The following FUT9 variants were observed in gnomAD, a reference collection of about 807,000 sequenced individuals.
FUT9 encodes the protein 4-galactosyl-N-acetylglucosaminide 3-alpha-L-fucosyltransferase 9.
FUT9 carries 15 observed loss-of-function variants against 29.7 expected under a neutral mutation model. The observed-to-expected ratio is 0.51, with a 90% confidence interval of 0.34 to 0.78. The LOEUF is 0.78. FUT9 is among the 30% of genes least tolerant of loss of function. FUT9 has a pLI of 0.01. For missense variants in FUT9, 319 were observed against 425.4 expected, an observed-to-expected ratio of 0.75 and a Z score of 2.20; for synonymous variants, 169 against 153.7, an observed-to-expected ratio of 1.10 and a Z score of -0.74.
intron 1 of FUT9, among the ~76,000 whole-genome samples, chr6:96,031,010 G>A (rs185868751): frequency 3.6e-4 from 55 of 151,626 alleles, no homozygotes; most frequent in African/African-American, 1.3e-3. Flanking sequence ...GATATACACT[G>A]GTGGTTTGTA....
At chr6:96,195,787 C>T (rs1020134572) in intron 2 of FUT9, among the ~76,000 whole-genome samples, 5 of 151,962 alleles carry the variant, frequency 3.3e-5, no homozygotes, top group Admixed American at 6.6e-5. Flanking sequence ...AAAAGATAAG[C>T]CACCCAATTT....
At chr6:96,068,178 T>C (rs1770994905) in intron 1 of FUT9, among the ~76,000 whole-genome samples, 1 of 152,126 alleles carries the variant, frequency 6.6e-6, no homozygotes, top group African/African-American at 2.4e-5. Flanking sequence ...GGACAGCTAG[T>C]GTATATATTT....
intron 2 of FUT9, among the ~76,000 whole-genome samples, chr6:96,141,247 A>C (rs1007184598): frequency 7.2e-5 from 11 of 152,220 alleles, no homozygotes; most frequent in African/African-American, 2.7e-4. Flanking sequence ...AAATCTAGAC[A>C]GAATATATAG....
In FUT9 at chr6:96,209,882, C is replaced by G. The variant is rs895305323; in HGVS notation, c.*5647C>G. ...TTAGAATTTCTTCAAATAATCCATG[C>G]CCCCCCGTCACCCAAAAAAAGAGCA... On this transcript the variant is annotated 3_prime_UTR_variant, in exon 3 of 3. Coordinates refer to ENST00000302103, the MANE Select transcript of FUT9 (RefSeq NM_006581.4). The G allele has an allele frequency of 6.0e-6, 1 of 165,976 alleles. No individual in the cohort carries two copies. Among genetic ancestry groups the G allele is most frequent in the South Asian group, 2.1e-4 (1 of 4,794 alleles). The allele number at this position is 165,976 out of a possible 1,614,324, so 10.3% of individuals were successfully genotyped here.
At chr6:96,174,752 T>C (rs6924654) in intron 2 of FUT9, among the ~76,000 whole-genome samples, 2,283 of 152,206 alleles carry the variant, frequency 0.015, 62 homozygotes, top group African/African-American at 0.051. Flanking sequence ...TTGAAGAAGA[T>C]GGAAATAAAT....
intron 1 of FUT9, among the ~76,000 whole-genome samples, chr6:96,048,673 C>T (rs377587542): frequency 3.9e-5 from 6 of 152,114 alleles, no homozygotes; most frequent in Admixed American, 6.6e-5. Context: ...TCTCATGGAA[C>T]GGAAGCGAAG....
chr6:96,069,614 T>A (rs1378266026), intron 1 of FUT9, among the ~76,000 whole-genome samples: 1 of 99,244 alleles, frequency 1.0e-5, no homozygotes, highest in Non-Finnish European at 2.2e-5. Flanking sequence ...AACTATTATT[T>A]TTTTATTTTT....
chr6:96,080,257 T>C (rs1421724716), intron 1 of FUT9, among the ~76,000 whole-genome samples: 1 of 151,974 alleles, frequency 6.6e-6, no homozygotes, highest in Non-Finnish European at 1.5e-5. Context: ...TAATAATTTT[T>C]TCAATGGTTA....
chr6:96,192,002 G>A lies in FUT9; in HGVS notation c.-8-11146G>A, dbSNP rs572629509. Among the ~76,000 whole-genome samples the A allele has an allele frequency of 2.5e-3, 381 of 152,128 alleles. 2 individuals are homozygous for A. The highest frequency in any genetic ancestry group is 3.9e-3 in the Non-Finnish European group (262 of 67,980). ...AAAAGGCCTTTGACAAAATTCAACAGCCCTTCATGCAAAAAACTCTCAATA... is the reference window on the plus strand; with the variant it reads ...AAAAGGCCTTTGACAAAATTCAACAACCCTTCATGCAAAAAACTCTCAATA... On this transcript the variant is annotated intron_variant, in intron 2 of 2. Transcript: ENST00000302103.
At chr6:96,131,288 A>G (rs1331120652) in intron 2 of FUT9, among the ~76,000 whole-genome samples, 2 of 152,112 alleles carry the variant, frequency 1.3e-5, no homozygotes, top group Non-Finnish European at 2.9e-5. Context: ...ACTATCTAGC[A>G]TTGTACAAAT....
intron 1 of FUT9, among the ~76,000 whole-genome samples, chr6:96,030,238 T>C (rs1770238449): frequency 6.6e-6 from 1 of 151,640 alleles, no homozygotes; most frequent in Non-Finnish European, 1.5e-5. Flanking sequence ...ATGCAGGATA[T>C]ATAAAGAATT....
At chr6:96,019,410 C>A (rs1350473606) in intron 1 of FUT9, among the ~76,000 whole-genome samples, 1 of 151,620 alleles carries the variant, frequency 6.6e-6, no homozygotes, top group Non-Finnish European at 1.5e-5. Flanking sequence ...TTTATAAATT[C>A]ATGTCTCTAT....
chr6:96,118,214 A>C (rs1266365074), intron 2 of FUT9, among the ~76,000 whole-genome samples: 1 of 152,048 alleles, frequency 6.6e-6, no homozygotes, highest in South Asian at 2.1e-4. Flanking sequence ...CAAAAAAAAA[A>C]AAAAAAAAAG....
rs1031189490 is a variant in FUT9, at chr6:96,062,892, A to G, written c.-98+46680A>G. Among the ~76,000 whole-genome samples, 14 of 152,304 alleles carry G rather than the reference A, an allele frequency of 9.2e-5. 1 individual carries two copies. Among genetic ancestry groups the G allele is most frequent in the Admixed American group, 5.2e-4 (8 of 15,300 alleles). On this transcript the variant is annotated intron_variant, in intron 1 of 2. Transcript: ENST00000302103. The stretch of plus-strand genomic sequence containing the variant: ...ACAAAAAAGTGCCTTCAGTTAAATG[A>G]TCTCTTTTAATACTGGAGAGAAAAA...
chr6:96,112,399 T>A (rs1771826483), intron 1 of FUT9, among the ~76,000 whole-genome samples: 2 of 152,238 alleles, frequency 1.3e-5, no homozygotes. Context: ...ATATTTGACT[T>A]TTTAAAGACA....
chr6:96,172,363 G>A (rs541381822), intron 2 of FUT9, among the ~76,000 whole-genome samples: 2 of 152,236 alleles, frequency 1.3e-5, no homozygotes, highest in African/African-American at 2.4e-5. Flanking sequence ...TGGAAACATT[G>A]ACATTTACAA....
chr6:96,022,508 T>C (rs760957645), intron 1 of FUT9, among the ~76,000 whole-genome samples: 1 of 152,106 alleles, frequency 6.6e-6, no homozygotes, highest in East Asian at 1.9e-4. Flanking sequence ...GTAGTTTTTT[T>C]GCTTTTGTTA....
chr6:96,097,978 C>T (rs1771528589), intron 1 of FUT9, among the ~76,000 whole-genome samples: 1 of 152,022 alleles, frequency 6.6e-6, no homozygotes, highest in Admixed American at 6.6e-5. Context: ...CTTGCTCCCA[C>T]CCCAACCAAC....
Position 96,203,297 on chromosome 6 carries a change from C to G in FUT9, c.142C>G (p.Leu48Val). ...FSPMESASSV[L>V]KMKNFFSTKT... ...TCCAATGGAATCAGCCAGCTCTGTG[C>G]TGAAAATGAAAAACTTCTTTTCCAC... Residue 48 changes from leucine to valine, a missense_variant, in exon 3 of 3, where the codon CTG (leucine) becomes GTG (valine). Leu to Val is a conservative substitution (Grantham distance 32). Coordinates refer to ENST00000302103, the MANE Select transcript of FUT9 (RefSeq NM_006581.4). 1 of 1,613,886 alleles carries G rather than the reference C, an allele frequency of 6.2e-7. No individual in the cohort carries two copies. Among genetic ancestry groups the G allele is most frequent in the Non-Finnish European group, 8.5e-7 (1 of 1,179,900 alleles).
Sources: allele counts gnomAD v4.1 joint callset (sites outside exome capture counted in the v4.1 genomes callset), GRCh38; gene constraint gnomAD v4.1.1; transcripts MANE v1.5; gene names NCBI Gene and HGNC (gene_info 2026-07-23, HGNC 2026-07-21).